Variants in KCNIP4 observed in about 807,000 individuals in gnomAD.
The protein encoded by KCNIP4 is potassium voltage-gated channel interacting protein 4.
A neutral mutation model predicts 34.0 loss-of-function variants in KCNIP4; 12 were observed. That is an observed-to-expected ratio of 0.35 (90% CI 0.23 to 0.57). The LOEUF is 0.57. Ranked by LOEUF, KCNIP4 falls within the 20% of genes least tolerant of loss-of-function variation. The probability of loss-of-function intolerance (pLI) is 0.83; values close to 1 mark genes in which losing one functional copy is unlikely to be tolerated. For missense variants in KCNIP4, 238 were observed against 311.7 expected (o/e 0.76, Z 1.78); for synonymous variants, 124 against 102.2 (o/e 1.21, Z -1.29).
chr4:21,496,672 C>T (rs908058097), intron 1 of KCNIP4, among the ~76,000 whole-genome samples: 1 of 152,152 alleles, frequency 6.6e-6, no homozygotes, highest in South Asian at 2.1e-4. Context: ...CAGTCCATGG[C>T]CTGTTAGGAA....
intron 1 of KCNIP4, among the ~76,000 whole-genome samples, chr4:21,265,607 T>A (rs1577988102): frequency 6.6e-6 from 1 of 152,286 alleles, no homozygotes; most frequent in East Asian, 1.9e-4. Flanking sequence ...ACAAGCCAAT[T>A]TTGTTTTCAA....
At chr4:21,086,886 G>C (rs12506214) in intron 1 of KCNIP4, among the ~76,000 whole-genome samples, 2 of 148,512 alleles carry the variant, frequency 1.3e-5, no homozygotes, top group African/African-American at 5.0e-5. Flanking sequence ...CCCTCCCTCC[G>C]TCCCTCCCTT....
intron 3 of KCNIP4, among the ~76,000 whole-genome samples, chr4:20,815,696 T>G (rs985894547): frequency 6.6e-6 from 1 of 152,216 alleles, no homozygotes; most frequent in African/African-American, 2.4e-5. Flanking sequence ...TATGAAATGT[T>G]AGACATTGTC....
intron 1 of KCNIP4, among the ~76,000 whole-genome samples, chr4:21,436,725 TAAAG>T (rs1726972531): frequency 6.6e-6 from 1 of 152,226 alleles, no homozygotes. Context: ...CTGAAGATTC[TAAAG>T]AGAGTTCTTG....
chr4:20,911,902 A>G (rs979567577), intron 1 of KCNIP4, among the ~76,000 whole-genome samples: 2 of 152,250 alleles, frequency 1.3e-5, no homozygotes, highest in African/African-American at 4.8e-5. Context: ...GCCTTCAAAT[A>G]ATTGTCCATG....
In KCNIP4 at chr4:21,685,928, T is replaced by C. The variant is rs144244580; in HGVS notation, c.61+262643A>G. ...GGAACATACCCAGCACTTGGCTGTA[T>C]AGTTTCCCTTGGGGGAATTCAGTAG... On this transcript the variant is annotated intron_variant, in intron 1 of 8. Coordinates refer to ENST00000382152, the MANE Select transcript of KCNIP4 (RefSeq NM_025221.6). 2.9e-3 allele frequency among the ~76,000 whole-genome samples: 448 copies of C among 152,342 alleles called. 2 individuals are homozygous for C. Among genetic ancestry groups the C allele is most frequent in the Non-Finnish European group, 4.4e-3 (297 of 68,038 alleles).
intron 1 of KCNIP4, among the ~76,000 whole-genome samples, chr4:21,859,644 T>C (rs775274042): frequency 2.0e-5 from 3 of 150,920 alleles, no homozygotes; most frequent in Admixed American, 1.3e-4. Context: ...AAAAAAGGAA[T>C]AGTGCTCTCA....
chr4:20,811,849 A>G (rs1374501247), intron 3 of KCNIP4, among the ~76,000 whole-genome samples: 1 of 152,240 alleles, frequency 6.6e-6, no homozygotes, highest in African/African-American at 2.4e-5. Context: ...AAAAGATTCA[A>G]TGAATGAGGC....
chr4:21,574,059 C>G (rs1740552815), intron 1 of KCNIP4, among the ~76,000 whole-genome samples: 1 of 151,972 alleles, frequency 6.6e-6, no homozygotes, highest in South Asian at 2.1e-4. Flanking sequence ...GGCTGCAATA[C>G]TAATGCACTT....
intron 1 of KCNIP4, among the ~76,000 whole-genome samples, chr4:21,604,506 T>C (rs961483222): frequency 7.9e-5 from 12 of 152,190 alleles, no homozygotes; most frequent in Non-Finnish European, 1.5e-4. Flanking sequence ...ACCTCTATCT[T>C]GTTTAACACG....
intron 1 of KCNIP4, among the ~76,000 whole-genome samples, chr4:21,267,150 ATGAC>A (rs138972663): frequency 0.018 from 2,685 of 152,308 alleles, 64 homozygotes; most frequent in African/African-American, 0.061. Flanking sequence ...TCTTTCAAAT[ATGAC>A]TGACTCAAAA....
intron 1 of KCNIP4, among the ~76,000 whole-genome samples, chr4:21,109,547 C>T (rs561520616): frequency 1.2e-4 from 19 of 152,342 alleles, no homozygotes; most frequent in South Asian, 1.2e-3. Flanking sequence ...TGACCCCTTG[C>T]GCTTCCCGAG....
chr4:20,892,381 A>C (rs750307060), intron 1 of KCNIP4, among the ~76,000 whole-genome samples: 6 of 151,700 alleles, frequency 4.0e-5, no homozygotes, highest in Non-Finnish European at 8.8e-5. Context: ...CCATCTCTCT[A>C]TCTGTCTTTC....
intron 1 of KCNIP4, among the ~76,000 whole-genome samples, chr4:21,712,038 A>C (rs1713769834): frequency 6.6e-6 from 1 of 152,148 alleles, no homozygotes; most frequent in Non-Finnish European, 1.5e-5. Context: ...GTGGAACATC[A>C]AAAGCCTCTC....
At chr4:20,917,918 T>C (rs1729010844) in intron 1 of KCNIP4, among the ~76,000 whole-genome samples, 3 of 152,180 alleles carry the variant, frequency 2.0e-5, no homozygotes, top group East Asian at 1.9e-4. Flanking sequence ...CGTGTCCAAC[T>C]TGGCCTTCCT....
intron 3 of KCNIP4, among the ~76,000 whole-genome samples, chr4:20,780,001 G>A (rs1756730245): frequency 6.6e-6 from 1 of 152,160 alleles, no homozygotes; most frequent in Admixed American, 6.5e-5. Context: ...TTTGTAGTAT[G>A]TTGCTACAGC....
At position 21,334,448 on chromosome 4, in the gene KCNIP4, A is replaced by T. The variant is rs1715961801; in HGVS notation, c.62-451739T>A. 2.0e-5 allele frequency among the ~76,000 whole-genome samples: 3 copies of T among 152,056 alleles called. No homozygotes were observed. In the South Asian group the frequency reaches 6.2e-4, roughly 31 times the overall value. ...GCAAGGTACCCGGCAGAGTGAATGG[A>T]GTTAAATAACCTTAAGGTCTTTTAG... is the stretch of plus-strand genomic sequence containing the variant. On this transcript the variant is annotated intron_variant, in intron 1 of 8. Coordinates refer to ENST00000382152, the MANE Select transcript of KCNIP4 (RefSeq NM_025221.6).
intron 1 of KCNIP4, among the ~76,000 whole-genome samples, chr4:21,364,139 C>T (rs867512461): frequency 6.6e-6 from 1 of 152,132 alleles, no homozygotes; most frequent in Admixed American, 6.6e-5. Context: ...CATTAGCTTA[C>T]AAGGATTGTT....
At chr4:21,808,987 A>T (rs1578016809) in intron 1 of KCNIP4, among the ~76,000 whole-genome samples, 1 of 152,238 alleles carries the variant, frequency 6.6e-6, no homozygotes, top group African/African-American at 2.4e-5. Flanking sequence ...TCAGAAGAGC[A>T]ATAAAGTCCA....
Sources: gnomAD v4.1 joint callset for allele counts (sites outside exome capture counted in the v4.1 genomes callset) on GRCh38, gnomAD v4.1.1 for gene constraint, MANE v1.5 for transcripts, NCBI Gene and HGNC (gene_info 2026-07-23, HGNC 2026-07-21) for gene names.